GNPNAT1: variants seen among roughly 807,000 people sequenced by gnomAD.
GNPNAT1 encodes glucosamine 6-phosphate N-acetyltransferase.
A neutral mutation model predicts 19.8 loss-of-function variants in GNPNAT1; 11 were observed. The observed-to-expected ratio is 0.56, with a 90% CI of 0.35 to 0.92. The LOEUF is 0.92. Among genes scored for constraint, GNPNAT1 ranks in the 40% least tolerant of loss-of-function variants. GNPNAT1 has a pLI of 0.01. For missense variants in GNPNAT1, 157 were observed against 211.0 expected, an observed-to-expected ratio of 0.74 and a Z score of 1.59; for synonymous variants, 71 against 72.3, an observed-to-expected ratio of 0.98 and a Z score of 0.09.
rs969907951 is a variant in GNPNAT1, at chr14:52,791,476, C to A, written c.-63G>T. ...CTCCTAGCCAGGCGCGTCGGACTCT[C>A]CCCCACCAGTGTGCACAGCACCGGA... On this transcript the variant is annotated 5_prime_UTR_variant, in exon 1 of 6. Transcript: ENST00000216410. This position sits in a 1 kb window ranked among gnomAD's most constrained non-coding sequence, Gnocchi z 4.1. 6.6e-5 allele frequency: 10 copies of A among 152,614 alleles called. No individual in the cohort carries two copies. Among genetic ancestry groups the A allele is most frequent in the African/African-American group, 2.4e-4 (10 of 41,466 alleles). The allele number at this position is 152,614 out of a possible 1,614,324, so 9.5% of individuals were successfully genotyped here. A position where few individuals can be genotyped will look rare whatever the true frequency, so the allele number is the denominator to read the frequency against.
At position 52,777,564 on chromosome 14, in the gene GNPNAT1, C is replaced by G. The variant is rs1294370260; in HGVS notation, c.*747G>C. 6.6e-6 allele frequency: 1 copy of G among 152,144 alleles called. No individual in the cohort carries two copies. The highest frequency in any genetic ancestry group is 1.5e-5 in the Non-Finnish European group (1 of 68,024). 9.4% of individuals were successfully genotyped at this position (152,144 alleles called of 1,614,324 possible). The stretch of plus-strand genomic sequence containing the variant: ...ACACATAGGCTGAGGTTTGCTAATT[C>G]ACTGTTTACAGAGGACCTTAGATGT... On this transcript the variant is annotated 3_prime_UTR_variant, in exon 6 of 6. Coordinates refer to ENST00000216410, the MANE Select transcript of GNPNAT1 (RefSeq NM_198066.4).
At chr14:52,789,540 T>C (rs1000760132) in intron 1 of GNPNAT1, among the ~76,000 whole-genome samples, 3 of 152,198 alleles carry the variant, frequency 2.0e-5, no homozygotes. Flanking sequence ...AACAGAGCCA[T>C]ACTGAAGGCC....
intron 4 of GNPNAT1, 55 bp downstream of exon 4, chr14:52,781,729 C>T: frequency 6.6e-7 from 1 of 1,523,556 alleles, no homozygotes; most frequent in South Asian, 1.2e-5. Context: ...AATGGAAACT[C>T]AAAGTCAGTT....
intron 1 of GNPNAT1, among the ~76,000 whole-genome samples, chr14:52,786,013 A>G (rs1179763894): frequency 6.9e-6 from 1 of 145,734 alleles, no homozygotes; most frequent in Non-Finnish European, 1.5e-5. Flanking sequence ...AGCCTCCCAA[A>G]GTGCTGGGAT....
intron 5 of GNPNAT1, among the ~76,000 whole-genome samples, chr14:52,780,041 T>C (rs1255150590): frequency 6.6e-6 from 1 of 151,976 alleles, no homozygotes; most frequent in Non-Finnish European, 1.5e-5. Flanking sequence ...GTGTGGCGTG[T>C]ACCTGTAGTC....
intron 5 of GNPNAT1, among the ~76,000 whole-genome samples, chr14:52,780,406 A>G (rs1314120380): frequency 6.6e-6 from 1 of 152,140 alleles, no homozygotes; most frequent in Non-Finnish European, 1.5e-5. Context: ...GATTAGCCCA[A>G]AAGTTTATCT....
chr14:52,784,793 A>G (rs866733606), intron 1 of GNPNAT1, 129 bp from the exon 2 acceptor site: 1 of 422,502 alleles, frequency 2.4e-6, no homozygotes, highest in East Asian at 3.6e-5. Flanking sequence ...TTTTACTGCA[A>G]CCCAGCCTGA....
intron 1 of GNPNAT1, among the ~76,000 whole-genome samples, chr14:52,786,857 A>ATTTTTTTTTTTTTTTTTTT (rs567085170): frequency 1.0e-5 from 1 of 98,694 alleles, no homozygotes; most frequent in Non-Finnish European, 2.0e-5. Context: ...CAGGTTTTGG[A>ATTTTTTTTTTTTTTTTTTT]TTTTTTTTTT....
In GNPNAT1 at chr14:52,783,413, T is replaced by C. The variant is rs1882939294; in HGVS notation, c.217+10A>G. ...CCTTTATTTCAGGAAAAAGAGGTTA[T>C]AGTACTTACTCATAAATTGTTCAGG... On this transcript the variant is annotated intron_variant, in intron 3 of 5. Coordinates refer to ENST00000216410, the MANE Select transcript of GNPNAT1 (RefSeq NM_198066.4). The C allele has an allele frequency of 1.3e-6, 2 of 1,572,794 alleles. No individual in the cohort carries two copies. Among genetic ancestry groups the C allele is most frequent in the East Asian group, 2.2e-5 (1 of 44,568 alleles).
chr14:52,786,077 A>G (rs1323439972), intron 1 of GNPNAT1, among the ~76,000 whole-genome samples: 1 of 142,398 alleles, frequency 7.0e-6, no homozygotes, highest in African/African-American at 2.7e-5. Flanking sequence ...TTTTTTTTCA[A>G]TGAACCATGA....
At chr14:52,789,986 C>CAAAAAAAAAAAAAAAAAAAAAAAAA (rs200756037) in intron 1 of GNPNAT1, among the ~76,000 whole-genome samples, 3 of 107,222 alleles carry the variant, frequency 2.8e-5, no homozygotes, top group African/African-American at 3.7e-5. Flanking sequence ...TCCAGAAGGA[C>CAAAAAAAAAAAAAAAAAAAAAAAAA]AAAAAAAAAA....
rs1419419341 is a variant in GNPNAT1 at position 52,781,756 on chromosome 14, G to C, written c.345+28C>G. 4 of 1,562,504 alleles carry C rather than the reference G, an allele frequency of 2.6e-6. No homozygotes were observed. The South Asian group carries it at 4.9e-5, about 19-fold the overall frequency. On this transcript the variant is annotated intron_variant, in intron 4 of 5. Transcript: ENST00000216410. ...AAGTCAGTTGTGCTAGAAAACAGCT[G>C]TCCATTTTATTTATAAGCAGCACAT...
intron 3 of GNPNAT1, among the ~76,000 whole-genome samples, chr14:52,783,103 G>A (rs975783079): frequency 6.6e-6 from 1 of 151,720 alleles, no homozygotes; most frequent in Non-Finnish European, 1.5e-5. Flanking sequence ...TTTTTGATTT[G>A]GTAATGAAAT....
intron 1 of GNPNAT1, among the ~76,000 whole-genome samples, chr14:52,790,635 G>T (rs1312233046): frequency 6.6e-6 from 1 of 152,118 alleles, no homozygotes; most frequent in African/African-American, 2.4e-5. Context: ...CGCATCTTGA[G>T]CTCGATTACC....
At chr14:52,787,802 A>T (rs1883057519) in intron 1 of GNPNAT1, 1 of 152,090 alleles carries the variant, frequency 6.6e-6, no homozygotes, top group East Asian at 2.0e-4. Flanking sequence ...TTAAAATTAA[A>T]GTTTATAAAT....
intron 4 of GNPNAT1, 71 bp from the exon 5 acceptor site, chr14:52,780,811 A>G (rs1485383112): frequency 2.3e-6 from 2 of 882,312 alleles, no homozygotes; most frequent in East Asian, 4.9e-5. Flanking sequence ...GTTGGTAAGA[A>G]TTTACTGATA....
intron 1 of GNPNAT1, among the ~76,000 whole-genome samples, chr14:52,785,426 A>G (rs1882991417): frequency 6.6e-6 from 1 of 152,078 alleles, no homozygotes; most frequent in South Asian, 2.1e-4. Flanking sequence ...TTACTTGCCA[A>G]TAAAGAAAAC....
At chr14:52,789,157 G>C (rs967100921) in intron 1 of GNPNAT1, among the ~76,000 whole-genome samples, 7 of 152,292 alleles carry the variant, frequency 4.6e-5, no homozygotes, top group Admixed American at 6.5e-5. Flanking sequence ...GACCTGTGCC[G>C]TTACACAGGG....
chr14:52,788,326 G>A (rs149437570), intron 1 of GNPNAT1, among the ~76,000 whole-genome samples: 3 of 152,062 alleles, frequency 2.0e-5, no homozygotes, highest in African/African-American at 7.2e-5. Context: ...TAGAGATGGG[G>A]CTTTGCCATG....
Sources: allele counts gnomAD v4.1 joint callset (sites outside exome capture counted in the v4.1 genomes callset), GRCh38; gene constraint gnomAD v4.1.1; non-coding constraint Gnocchi (gnomAD v3.1); transcripts MANE v1.5; gene names NCBI Gene and HGNC (gene_info 2026-07-23, HGNC 2026-07-21).